The following ARHGEF37 variants were observed in gnomAD, a reference collection of about 807,000 sequenced individuals.
ARHGEF37 encodes Rho guanine nucleotide exchange factor 37.
ARHGEF37 carries 55 observed loss-of-function variants against 71.1 expected under a neutral mutation model. The observed-to-expected ratio is 0.77, with a 90% CI of 0.62 to 0.97. The LOEUF (loss-of-function observed/expected upper bound fraction) is 0.97, where lower values mean the gene tolerates loss of function less well. Among genes scored for constraint, ARHGEF37 ranks in the 50% least tolerant of loss-of-function variants. The pLI is 0.00. For missense variants in ARHGEF37, 765 were observed against 836.8 expected (o/e 0.91, Z 1.06); for synonymous variants, 327 against 350.6 (o/e 0.93, Z 0.75).
At chr5:149,618,354 C>CCAGG (rs761377072) in intron 6 of ARHGEF37, 48 bp downstream of exon 6, 4 of 1,612,096 alleles carry the variant, frequency 2.5e-6, no homozygotes, top group East Asian at 4.5e-5. Context: ...ACCCCCAAGG[C>CCAGG]CAGGCCCTGC....
At chr5:149,603,359 C>T (rs1327744144) in intron 3 of ARHGEF37, among the ~76,000 whole-genome samples, 2 of 152,140 alleles carry the variant, frequency 1.3e-5, no homozygotes, top group East Asian at 1.9e-4. Context: ...ACCATTATCT[C>T]ATTTTACAGT....
At position 149,575,592 on chromosome 5, in the gene ARHGEF37, A is replaced by G. The variant is rs10463287; in HGVS notation, c.-11-22167A>G. Among the ~76,000 whole-genome samples the G allele has an allele frequency of 0.015, 2,345 of 152,198 alleles. 234 individuals carry two copies. The East Asian group carries it at 0.3, about 19-fold the overall frequency. On this transcript the variant is annotated intron_variant, in intron 1 of 2. Transcript: ENST00000505810. Reference sequence around the variant, plus strand: ...GGGCTTCCTCTCTTGAAAAGACACAAAGTAGAGATGGCCCTTTCTTCTGTT... The same window carrying G: ...GGGCTTCCTCTCTTGAAAAGACACAGAGTAGAGATGGCCCTTTCTTCTGTT...
At chr5:149,624,419 C>T (rs55634793) in intron 10 of ARHGEF37, among the ~76,000 whole-genome samples, 5,188 of 152,254 alleles carry the variant, frequency 0.034, 294 homozygotes, top group African/African-American at 0.11. Context: ...TGAAATTAGA[C>T]GTAATGATGG....
chr5:149,552,822 C>G (rs1762700138), intron 1 of ARHGEF37, among the ~76,000 whole-genome samples: 1 of 151,258 alleles, frequency 6.6e-6, no homozygotes, highest in Admixed American at 6.6e-5. Flanking sequence ...CAGAGAGACC[C>G]TGTCTCAAAA....
intron 1 of ARHGEF37, among the ~76,000 whole-genome samples, chr5:149,560,740 GTAAAA>G (rs1190259774): frequency 2.0e-5 from 3 of 151,774 alleles, no homozygotes; most frequent in Non-Finnish European, 4.4e-5. Context: ...GGGCAATGTG[GTAAAA>G]CCCTGTTTGT....
intron 1 of ARHGEF37, among the ~76,000 whole-genome samples, chr5:149,570,564 G>A (rs1481344939): frequency 3.8e-5 from 5 of 132,950 alleles, no homozygotes; most frequent in African/African-American, 1.2e-4. Flanking sequence ...CAACAAGTGC[G>A]AAACTCCGCC....
intron 6 of ARHGEF37, among the ~76,000 whole-genome samples, chr5:149,618,549 C>T (rs541336779): frequency 6.6e-6 from 1 of 152,314 alleles, no homozygotes; most frequent in South Asian, 2.1e-4. Context: ...GAGCTGGTCT[C>T]TGGGTTTGGG....
intron 1 of ARHGEF37, among the ~76,000 whole-genome samples, chr5:149,582,447 G>T (rs1763128785): frequency 6.6e-6 from 1 of 152,212 alleles, no homozygotes; most frequent in Non-Finnish European, 1.5e-5. Flanking sequence ...AGGAAGCATA[G>T]TTTAACCTTT....
Position 149,597,945 on chromosome 5 carries a change from G to C in ARHGEF37, c.176G>C (p.Arg59Pro), listed in dbSNP as rs368868273. The C allele has an allele frequency of 6.3e-7, 1 of 1,588,596 alleles. No individual in the cohort carries two copies. Among genetic ancestry groups the C allele is most frequent in the Non-Finnish European group, 8.6e-7 (1 of 1,168,490 alleles). The part of the protein sequence containing the change: ...LQLCASDIRS[R>P]LQQLPQGDLD... Reference sequence around the variant, plus strand: ...CTCTGTGCCTCTGACATCAGGAGCCGCCTCCAGCAGGTACTTGGGTGGGGT... The same window carrying C: ...CTCTGTGCCTCTGACATCAGGAGCCCCCTCCAGCAGGTACTTGGGTGGGGT... The change falls in exon 2 of 13, where the codon CGC becomes CCC. Residue 59 changes from arginine to proline, a missense_variant. Arg to Pro is a moderately radical substitution (Grantham distance 103). Coordinates refer to ENST00000333677, the MANE Select transcript of ARHGEF37 (RefSeq NM_001001669.3).
In ARHGEF37 at chr5:149,575,315, T is replaced by G. The variant is rs112027992; in HGVS notation, c.-11-22444T>G. Among the ~76,000 whole-genome samples the G allele has an allele frequency of 3.9e-4, 60 of 152,380 alleles. 2 individuals are homozygous for G. Among genetic ancestry groups the G allele is most frequent in the African/African-American group, 1.4e-3 (57 of 41,598 alleles). ...GGTCACCTTATCTTTGGCTCCCTAA[T>G]TTCCCTATAGAATTGCCAACTCCCT... is the stretch of plus-strand genomic sequence containing the variant. On this transcript the variant is annotated intron_variant, in intron 1 of 2. Coordinates refer to the ARHGEF37 transcript ENST00000505810.
At chr5:149,592,607 G>A (rs1763442865) in intron 1 of ARHGEF37, among the ~76,000 whole-genome samples, 1 of 152,180 alleles carries the variant, frequency 6.6e-6, no homozygotes, top group Non-Finnish European at 1.5e-5. Flanking sequence ...GAACACTTAT[G>A]TACAGGTTTT....
At chr5:149,583,855 G>A (rs1763168139) in intron 1 of ARHGEF37, among the ~76,000 whole-genome samples, 1 of 152,138 alleles carries the variant, frequency 6.6e-6, no homozygotes, top group Non-Finnish European at 1.5e-5. Context: ...CAACCGCCCA[G>A]GTTCAAGCAA....
chr5:149,598,808 ATG>A lies in ARHGEF37; in HGVS notation c.186+867_186+868del, dbSNP rs71274355. 0.024 allele frequency among the ~76,000 whole-genome samples: 3,554 copies of A among 147,720 alleles called. 248 individuals are homozygous for A. In the East Asian group the frequency reaches 0.28, roughly 12 times the overall value. On this transcript the variant is annotated intron_variant, in intron 2 of 12. Transcript: ENST00000333677. Reference sequence around the variant, plus strand: ...TAGATATAGATATATAGATATATATATGTGTGTGTGTGTGTATATATATATGT... The same window carrying A: ...TAGATATAGATATATAGATATATATATGTGTGTGTGTGTATATATATATGT...
chr5:149,608,029 C>T (rs966900527), intron 3 of ARHGEF37, among the ~76,000 whole-genome samples: 7 of 151,892 alleles, frequency 4.6e-5, no homozygotes, highest in African/African-American at 1.5e-4. Flanking sequence ...GGGCCTCCCA[C>T]AGTGCTGGGA....
intron 1 of ARHGEF37, among the ~76,000 whole-genome samples, chr5:149,559,104 T>C (rs560977298): frequency 6.6e-6 from 1 of 152,210 alleles, no homozygotes; most frequent in South Asian, 2.1e-4. Context: ...GGGCAGATCA[T>C]GAGGTCAAGA....
intron 3 of ARHGEF37, among the ~76,000 whole-genome samples, chr5:149,607,823 G>A (rs1448326570): frequency 1.4e-5 from 2 of 142,766 alleles, no homozygotes; most frequent in African/African-American, 5.4e-5. Flanking sequence ...AGTGAGTGCA[G>A]TGGCACGATC....
chr5:149,591,226 CAAA>C lies in ARHGEF37; in HGVS notation c.-11-6520_-11-6518del, dbSNP rs113486514. 1.1e-3 allele frequency among the ~76,000 whole-genome samples: 155 copies of C among 143,218 alleles called. 1 individual carries two copies. Among genetic ancestry groups the C allele is most frequent in the Admixed American group, 2.1e-3 (31 of 14,548 alleles). 94.0% of individuals were successfully genotyped at this position (143,218 alleles called of 152,430 possible). On this transcript the variant is annotated intron_variant, in intron 1 of 12. Transcript: ENST00000333677. ...GAGCTAGGACTTTTGTGTTCCATCT[CAAA>C]AAAAAAAAAAAAGTTGAATGTTCCA...
chr5:149,602,078 AC>A (rs1763774146), intron 3 of ARHGEF37, among the ~76,000 whole-genome samples: 1 of 144,438 alleles, frequency 6.9e-6, no homozygotes, highest in Admixed American at 7.0e-5. Context: ...TTTTTTTGAG[AC>A]GGAGTCTCAC....
At chr5:149,602,105 C>T (rs558880621) in intron 3 of ARHGEF37, among the ~76,000 whole-genome samples, 11 of 150,104 alleles carry the variant, frequency 7.3e-5, no homozygotes, top group African/African-American at 1.5e-4. Context: ...CGCCCAGGCT[C>T]GAGTGCAGCG....
Sources: gnomAD v4.1 joint callset for allele counts (sites outside exome capture counted in the v4.1 genomes callset) on GRCh38, gnomAD v4.1.1 for gene constraint, MANE v1.5 for transcripts, NCBI Gene and HGNC (gene_info 2026-07-23, HGNC 2026-07-21) for gene names.